SH3GL2: variants seen among roughly 807,000 people sequenced by gnomAD.
The protein encoded by SH3GL2 is endophilin-A1.
SH3GL2 carries 24 observed loss-of-function variants against 46.0 expected under a neutral mutation model. The observed-to-expected ratio is 0.52, with a 90% CI of 0.38 to 0.73. SH3GL2 has a LOEUF of 0.73. SH3GL2 is among the 30% of genes least tolerant of loss of function. SH3GL2 has a pLI of 0.00. For missense variants in SH3GL2, 413 were observed against 424.2 expected, an observed-to-expected ratio of 0.97 and a Z score of 0.23; for synonymous variants, 196 against 147.1, an observed-to-expected ratio of 1.33 and a Z score of -2.40.
At chr9:17,732,236 C>G (rs1822206406) in intron 1 of SH3GL2, among the ~76,000 whole-genome samples, 1 of 151,878 alleles carries the variant, frequency 6.6e-6, no homozygotes, top group African/African-American at 2.4e-5. Context: ...GCTAATTACT[C>G]TTTTTTTCTG....
chr9:17,700,599 TCTGA>T (rs1385139159), intron 1 of SH3GL2, among the ~76,000 whole-genome samples: 2 of 152,236 alleles, frequency 1.3e-5, no homozygotes, highest in African/African-American at 2.4e-5. Flanking sequence ...CATTTGTCTT[TCTGA>T]CTTTTTCATG....
intron 1 of SH3GL2, among the ~76,000 whole-genome samples, chr9:17,676,679 C>T (rs903967982): frequency 6.6e-6 from 1 of 152,112 alleles, no homozygotes; most frequent in African/African-American, 2.4e-5. Flanking sequence ...TTATGCATCC[C>T]TGAAAGTGGC....
chr9:17,659,459 G>A (rs949818974), intron 1 of SH3GL2, among the ~76,000 whole-genome samples: 1 of 152,154 alleles, frequency 6.6e-6, no homozygotes, highest in African/African-American at 2.4e-5. Flanking sequence ...GTGTGTGTGT[G>A]TGTTTTCTCA....
intron 1 of SH3GL2, among the ~76,000 whole-genome samples, chr9:17,715,159 TG>T (rs1821718432): frequency 6.6e-6 from 1 of 151,592 alleles, no homozygotes; most frequent in African/African-American, 2.4e-5. Context: ...TCCTTATCAC[TG>T]GTTTTGAGTG....
intron 1 of SH3GL2, among the ~76,000 whole-genome samples, chr9:17,736,481 A>G (rs1241147396): frequency 6.6e-6 from 1 of 152,006 alleles, no homozygotes; most frequent in Non-Finnish European, 1.5e-5. Context: ...GTCTCTTCAT[A>G]TCTCTTTCTT....
intron 1 of SH3GL2, among the ~76,000 whole-genome samples, chr9:17,698,104 TAGA>T (rs1821254101): frequency 1.3e-5 from 2 of 152,202 alleles, no homozygotes; most frequent in African/African-American, 4.8e-5. Flanking sequence ...CTGCTGATTT[TAGA>T]AGAAGTGAAA....
chr9:17,702,646 CT>C (rs777784422), intron 1 of SH3GL2, among the ~76,000 whole-genome samples: 4 of 152,060 alleles, frequency 2.6e-5, no homozygotes, highest in South Asian at 4.2e-4. Context: ...TAAAAGAGTC[CT>C]TTTTTCCCTC....
At chr9:17,645,518 C>A (rs998960997) in intron 1 of SH3GL2, among the ~76,000 whole-genome samples, 4 of 151,990 alleles carry the variant, frequency 2.6e-5, no homozygotes, top group African/African-American at 7.2e-5. Flanking sequence ...ACTGGTTTTT[C>A]CTTACCATAT....
rs143215098 is a variant in SH3GL2, at chr9:17,682,718, G to A, written c.46-64348G>A. On this transcript the variant is annotated intron_variant, in intron 1 of 8. Coordinates refer to ENST00000380607, the MANE Select transcript of SH3GL2 (RefSeq NM_003026.5). ...AAAAAGGAAAACATGGGCTTAAATA[G>A]GACACAAGATCTATTCCTCCTTTGA... Among the ~76,000 whole-genome samples the A allele has an allele frequency of 2.5e-3, 385 of 151,554 alleles. 4 individuals are homozygous for A. The highest frequency in any genetic ancestry group is 0.017 in the East Asian group (88 of 5,144).
chr9:17,608,217 A>G (rs924061227), intron 1 of SH3GL2, among the ~76,000 whole-genome samples: 29 of 132,594 alleles, frequency 2.2e-4, no homozygotes, highest in African/African-American at 7.4e-4. Context: ...GCACAATCTC[A>G]GCTCACTGCA....
Position 17,760,732 on chromosome 9 carries a change from C to A in SH3GL2, c.115-705C>A, listed in dbSNP as rs376480694. On this transcript the variant is annotated intron_variant, in intron 2 of 8. Coordinates refer to ENST00000380607, the MANE Select transcript of SH3GL2 (RefSeq NM_003026.5). ...TACCATGTAGGGCGAATAGGAGGCC[C>A]ACAGATGCTGATAAGAAAAGGATTT... 3.9e-5 allele frequency among the ~76,000 whole-genome samples: 6 copies of A among 152,166 alleles called. 1 individual carries two copies. Among genetic ancestry groups the A allele is most frequent in the African/African-American group, 1.4e-4 (6 of 41,512 alleles).
chr9:17,584,757 C>T (rs761971584), intron 1 of SH3GL2, among the ~76,000 whole-genome samples: 6 of 151,994 alleles, frequency 3.9e-5, no homozygotes, highest in Non-Finnish European at 8.8e-5. Flanking sequence ...GTTGTTAATG[C>T]GCTTGAAGTC....
intron 3 of SH3GL2, among the ~76,000 whole-genome samples, chr9:17,775,010 T>C (rs1362599089): frequency 6.6e-6 from 1 of 152,176 alleles, no homozygotes; most frequent in Admixed American, 6.5e-5. Flanking sequence ...TTAGTCTTGG[T>C]AGGTTTTGTG....
At chr9:17,608,573 G>A (rs572443838) in intron 1 of SH3GL2, among the ~76,000 whole-genome samples, 1 of 152,178 alleles carries the variant, frequency 6.6e-6, no homozygotes, top group African/African-American at 2.4e-5. Flanking sequence ...ACAATGTGTT[G>A]ATGGATTAAA....
chr9:17,656,528 A>C (rs868070870), intron 1 of SH3GL2, among the ~76,000 whole-genome samples: 1 of 152,134 alleles, frequency 6.6e-6, no homozygotes, highest in Non-Finnish European at 1.5e-5. Context: ...TTACAATATC[A>C]CAAGTAATTA....
intron 1 of SH3GL2, among the ~76,000 whole-genome samples, chr9:17,581,071 C>T (rs531953836): frequency 1.3e-5 from 2 of 152,298 alleles, no homozygotes; most frequent in African/African-American, 2.4e-5. Flanking sequence ...GTGTGTAGAA[C>T]ACACGTATAA....
chr9:17,784,863 C>T (rs189710081), intron 3 of SH3GL2, among the ~76,000 whole-genome samples: 12 of 152,250 alleles, frequency 7.9e-5, no homozygotes, highest in Admixed American at 7.2e-4. Context: ...CAGGTGGGCA[C>T]CACCATGCCC....
chr9:17,764,150 G>A (rs1823253992), intron 3 of SH3GL2, among the ~76,000 whole-genome samples: 1 of 152,146 alleles, frequency 6.6e-6, no homozygotes, highest in African/African-American at 2.4e-5. Context: ...CAGGCAATTC[G>A]AGGTTGGTTT....
At chr9:17,667,217 A>G (rs922189838) in intron 1 of SH3GL2, among the ~76,000 whole-genome samples, 1 of 152,140 alleles carries the variant, frequency 6.6e-6, no homozygotes, top group Non-Finnish European at 1.5e-5. Flanking sequence ...TTGGGATATA[A>G]TTCACATACC....
Sources: gnomAD v4.1 joint callset for allele counts (sites outside exome capture counted in the v4.1 genomes callset) on GRCh38, gnomAD v4.1.1 for gene constraint, MANE v1.5 for transcripts, NCBI Gene and HGNC (gene_info 2026-07-23, HGNC 2026-07-21) for gene names.